Variants in SCAF4 observed in about 807,000 individuals in gnomAD.
SCAF4 encodes the protein SR-related and CTD-associated factor 4.
A neutral mutation model predicts 129.8 loss-of-function variants in SCAF4; 25 were observed. That is an observed-to-expected ratio of 0.19 (90% CI 0.14 to 0.27). SCAF4 has a LOEUF of 0.27. Among genes scored for constraint, SCAF4 ranks in the 10% least tolerant of loss-of-function variants. The pLI is 1.00. For missense variants in SCAF4, 1,246 were observed against 1,457.1 expected (o/e 0.86, Z 2.36); for synonymous variants, 551 against 497.7 (o/e 1.11, Z -1.43).
At chr21:31,710,479 G>A (rs957486266) in intron 1 of SCAF4, among the ~76,000 whole-genome samples, 1 of 152,172 alleles carries the variant, frequency 6.6e-6, no homozygotes, top group African/African-American at 2.4e-5. Context: ...AACTCAGGAG[G>A]CGAAGGTTGC....
At chr21:31,702,544 A>G (rs1009352171) in intron 4 of SCAF4, among the ~76,000 whole-genome samples, 165 bp from the exon 5 acceptor site, 1 of 152,260 alleles carries the variant, frequency 6.6e-6, no homozygotes, top group East Asian at 1.9e-4. Context: ...TGGTTAAACT[A>G]ATTAGTCTTT....
chr21:31,712,679 C>A (rs2050833194), intron 1 of SCAF4, among the ~76,000 whole-genome samples: 1 of 152,022 alleles, frequency 6.6e-6, no homozygotes, highest in African/African-American at 2.4e-5. Context: ...CAGGCGCCTG[C>A]CACCATGCCT....
chr21:31,671,789 G>A lies in SCAF4; in HGVS notation c.3054C>T (p.Asn1018=), dbSNP rs2049705697. The A allele has an allele frequency of 1.2e-6, 2 of 1,613,870 alleles. No homozygotes were observed. Among genetic ancestry groups the A allele is most frequent in the Non-Finnish European group, 1.7e-6 (2 of 1,179,946 alleles). ...RVENDRERYG[N]RNDDRDNSNR... ...TACTATTATCTCTATCATCATTACG[G>A]TTCCCATACCGTTCCCGGTCATTTT... Residue 1018 remains asparagine (N), a synonymous_variant, in exon 20 of 20, where the codon AAC becomes AAT. Coordinates refer to ENST00000286835, the MANE Select transcript of SCAF4 (RefSeq NM_020706.2).
chr21:31,689,407 C>T (rs900402225), intron 15 of SCAF4, among the ~76,000 whole-genome samples: 4 of 151,648 alleles, frequency 2.6e-5, no homozygotes, highest in African/African-American at 9.7e-5. Context: ...CAGTGATTCT[C>T]CAGCCTCAGC....
At chr21:31,730,341 C>T (rs1171092405) in intron 1 of SCAF4, among the ~76,000 whole-genome samples, 2 of 152,188 alleles carry the variant, frequency 1.3e-5, no homozygotes, top group East Asian at 1.9e-4. Context: ...TGAACTTTTA[C>T]AAGACACTGT....
intron 1 of SCAF4, among the ~76,000 whole-genome samples, chr21:31,716,807 T>C (rs1320622806): frequency 6.6e-6 from 1 of 152,146 alleles, no homozygotes; most frequent in Admixed American, 6.5e-5. Context: ...ACTTTTTTAA[T>C]ATCAGGTAAT....
intron 1 of SCAF4, among the ~76,000 whole-genome samples, chr21:31,723,231 C>A (rs908947181): frequency 3.9e-5 from 6 of 152,038 alleles, no homozygotes; most frequent in African/African-American, 1.4e-4. Context: ...GACAAACCTG[C>A]CTAAGACTTT....
intron 1 of SCAF4, among the ~76,000 whole-genome samples, chr21:31,726,671 C>G (rs1262945646): frequency 6.6e-6 from 1 of 152,066 alleles, no homozygotes; most frequent in Non-Finnish European, 1.5e-5. Flanking sequence ...TCTCAAAAAA[C>G]AAATAAATGG....
chr21:31,699,658 T>C lies in SCAF4; in HGVS notation c.777+1337A>G, dbSNP rs2050474129. On this transcript the variant is annotated intron_variant, in intron 7 of 19. Transcript: ENST00000286835. ...ATTTAGACTATTGGCAATAAAGTCC[T>C]TCTGTTTTTATAGTTAGGATGTTGG... 2.0e-5 allele frequency among the ~76,000 whole-genome samples: 3 copies of C among 152,212 alleles called. No individual in the cohort carries two copies. The South Asian group carries it at 6.2e-4, about 31-fold the overall frequency.
chr21:31,726,925 A>G (rs2051219325), intron 1 of SCAF4, among the ~76,000 whole-genome samples: 2 of 152,320 alleles, frequency 1.3e-5, no homozygotes, highest in Admixed American at 1.3e-4. Flanking sequence ...GATTAATACT[A>G]AATTATTTGA....
rs952462680 is a variant in SCAF4 at position 31,701,245 on chromosome 21, A to T, written c.601-74T>A. Reference sequence around the variant, plus strand: ...CTATCAAAAGTTAATTTAATAAAAAAATGTCTTAAAGGTGATTCAAAGTAG... The same window carrying T: ...CTATCAAAAGTTAATTTAATAAAAATATGTCTTAAAGGTGATTCAAAGTAG... On this transcript the variant is annotated intron_variant, in intron 6 of 19. Transcript: ENST00000286835. The T allele has an allele frequency of 1.4e-5, 19 of 1,359,604 alleles. No homozygotes were observed. In the African/African-American group the frequency reaches 2.8e-4, roughly 20 times the overall value. The allele number at this position is 1,359,604 out of a possible 1,614,324, so 84.2% of individuals were successfully genotyped here.
chr21:31,689,320 C>G (rs947753792), intron 15 of SCAF4, among the ~76,000 whole-genome samples: 1 of 151,526 alleles, frequency 6.6e-6, no homozygotes, highest in Non-Finnish European at 1.5e-5. Flanking sequence ...TTTTTTGAGA[C>G]AGAGTCTTGC....
rs1487628321 is a variant in SCAF4 at position 31,693,229 on chromosome 21, A to G, written c.1513+65T>C. On this transcript the variant is annotated intron_variant, in intron 12 of 19. Coordinates refer to ENST00000286835, the MANE Select transcript of SCAF4 (RefSeq NM_020706.2). Reference sequence around the variant, plus strand: ...CTTTTATAGTTTTGCTAACAGTTATAAAACACTTTAAACCCAAGACATGAA... The same window carrying G: ...CTTTTATAGTTTTGCTAACAGTTATGAAACACTTTAAACCCAAGACATGAA... The G allele has an allele frequency of 4.2e-6, 5 of 1,181,488 alleles. No homozygotes were observed. The African/African-American group carries it at 6.3e-5, about 15-fold the overall frequency. 73.2% of individuals were successfully genotyped at this position (1,181,488 alleles called of 1,614,324 possible). A position where few individuals can be genotyped will look rare whatever the true frequency, so the allele number is the denominator to read the frequency against.
rs1454571115 is a variant in SCAF4, at chr21:31,671,832, G to C, written c.3011C>G (p.Ser1004Cys). The C allele has an allele frequency of 6.2e-7, 1 of 1,613,964 alleles. No individual in the cohort carries two copies. The highest frequency in any genetic ancestry group is 8.5e-7 in the Non-Finnish European group (1 of 1,180,020). Residue 1004 changes from serine (S) to cysteine (C), a missense_variant, in exon 20 of 20, where the codon TCT becomes TGT. Around this residue, in one of 6 missense-constraint regions of SCAF4, gnomAD observed 339 missense variants for 325.0 expected, o/e 1.04. Coordinates refer to ENST00000286835, the MANE Select transcript of SCAF4 (RefSeq NM_020706.2). ...GRDQERFGRR[S>C]FGNRVENDRE... ...GTCATTTTCCACCCTATTTCCAAAA[G>C]ATCTTCTTCCAAACCTTTCTTGGTC...
chr21:31,691,408 A>C (rs2050256477), intron 14 of SCAF4, among the ~76,000 whole-genome samples: 1 of 152,184 alleles, frequency 6.6e-6, no homozygotes, highest in Non-Finnish European at 1.5e-5. Context: ...CCTTAGGGGA[A>C]AAATACCCAT....
At chr21:31,674,875 G>T (rs565227506) in intron 19 of SCAF4, among the ~76,000 whole-genome samples, 204 of 152,196 alleles carry the variant, frequency 1.3e-3, no homozygotes, top group South Asian at 2.7e-3. Context: ...CCTTCAAAAG[G>T]GACAGTTTGG....
At chr21:31,701,198 C>T (rs2050522994) in intron 6 of SCAF4, 27 bp from the exon 7 acceptor site, 1 of 1,519,608 alleles carries the variant, frequency 6.6e-7, no homozygotes, top group Non-Finnish European at 8.8e-7. Context: ...ACCAATAAAT[C>T]ACAGAACAAA....
At chr21:31,686,306 T>A (rs945519590) in intron 16 of SCAF4, among the ~76,000 whole-genome samples, 3 of 152,144 alleles carry the variant, frequency 2.0e-5, no homozygotes, top group Non-Finnish European at 4.4e-5. Flanking sequence ...CACCAGTGTT[T>A]ATTGGTGTTC....
chr21:31,685,239 A>G lies in SCAF4; in HGVS notation c.2298T>C (p.Ser766=), dbSNP rs1453680994. ...PHTPPISIPN[S]TIAGINEDTT... is the part of the protein sequence containing the mutation. ...TGTCTTCATTTATACCAGCGATAGT[A>G]GCTAAGGAATATAATTATATCAACA... The change falls in exon 19 of 20, where the codon TCT becomes TCC. Residue 766 remains serine (S), a splice_region_variant and synonymous_variant. Coordinates refer to ENST00000286835, the MANE Select transcript of SCAF4 (RefSeq NM_020706.2). 1 of 1,590,574 alleles carries G rather than the reference A, an allele frequency of 6.3e-7. No homozygotes were observed. Among genetic ancestry groups the G allele is most frequent in the Non-Finnish European group, 8.6e-7 (1 of 1,160,124 alleles).
Sources: allele counts gnomAD v4.1 joint callset (sites outside exome capture counted in the v4.1 genomes callset), GRCh38; gene constraint gnomAD v4.1.1; regional missense constraint gnomAD v4.1.1; transcripts MANE v1.5; gene names NCBI Gene and HGNC (gene_info 2026-07-23, HGNC 2026-07-21).